CEP120: variants seen among roughly 807,000 people sequenced by gnomAD.
CEP120 encodes centrosomal protein of 120 kDa.
In CEP120, 113 loss-of-function variants were observed where a neutral mutation model predicts 126.5. The ratio of observed to expected loss-of-function variants is 0.89; its 90% CI spans 0.77 to 1.04. The LOEUF (loss-of-function observed/expected upper bound fraction) is 1.04, where lower values mean the gene tolerates loss of function less well. CEP120 is among the 50% of genes least tolerant of loss of function. The pLI is 0.00. For missense variants in CEP120, 1,230 were observed against 1,155.7 expected (o/e 1.06, Z -0.93); for synonymous variants, 400 against 394.3 (o/e 1.01, Z -0.17).
chr5:123,408,202 T>C (rs1360449854), intron 4 of CEP120, among the ~76,000 whole-genome samples: 1 of 152,126 alleles, frequency 6.6e-6, no homozygotes, highest in Non-Finnish European at 1.5e-5. Flanking sequence ...ACATCTAAGC[T>C]TCCACCTTAG....
In CEP120 at chr5:123,412,381, T is replaced by TA. The variant is rs1774116037; in HGVS notation, c.463+17dup. 7 of 1,589,254 alleles carry TA rather than the reference T, an allele frequency of 4.4e-6. No individual in the cohort carries two copies. Among genetic ancestry groups the TA allele is most frequent in the Non-Finnish European group, 6.0e-6 (7 of 1,171,268 alleles). ...GATGGAACTTCTCAGAGAATGTTTT[T>TA]AGAGATGATGCACAAACCTTTTCCA... On this transcript the variant is annotated intron_variant, in intron 4 of 19. Transcript: ENST00000306467.
At position 123,388,489 on chromosome 5, in the gene CEP120, A is replaced by G; in HGVS notation, c.1373T>C (p.Ile458Thr). Residue 458 changes from isoleucine (I) to threonine (T), a missense_variant, in exon 9 of 20, where the codon ATA (isoleucine) becomes ACA (threonine). Coordinates refer to ENST00000306467, the MANE Select transcript of CEP120 (RefSeq NM_001375405.1). ...CAAGGCATGTATACTCCTTAAGTCT[A>G]TTGAAAAGCAAAAATGATGTGATGT... ...PATSHHFCFS[I>T]DLRSIHALEI... The G allele has an allele frequency of 6.2e-7, 1 of 1,609,138 alleles. No homozygotes were observed.
rs547672531 is a variant in CEP120, at chr5:123,411,716, G to C, written c.463+683C>G. 3.9e-5 allele frequency among the ~76,000 whole-genome samples: 6 copies of C among 152,320 alleles called. No individual in the cohort carries two copies. In the East Asian group the frequency reaches 1.2e-3, roughly 29 times the overall value. The stretch of plus-strand genomic sequence containing the variant: ...GGGAGGAATGAATAGGTGGAGCACA[G>C]ATGATTTTTAGGGTGGTGAAACTAT... On this transcript the variant is annotated intron_variant, in intron 4 of 19. Transcript: ENST00000306467.
chr5:123,388,048 TTAC>T (rs1246047632), intron 9 of CEP120, among the ~76,000 whole-genome samples: 1 of 47,770 alleles, frequency 2.1e-5, no homozygotes, highest in Non-Finnish European at 4.5e-5. Flanking sequence ...AGTATTATTA[TTAC>T]TTTTTTTTGA....
intron 18 of CEP120, among the ~76,000 whole-genome samples, chr5:123,351,612 C>T (rs1388010754): frequency 6.6e-6 from 1 of 151,986 alleles, no homozygotes; most frequent in Non-Finnish European, 1.5e-5. Flanking sequence ...ATGCTTGGGG[C>T]CATAAGTGTT....
At chr5:123,411,417 T>C (rs943119542) in intron 4 of CEP120, among the ~76,000 whole-genome samples, 4 of 152,172 alleles carry the variant, frequency 2.6e-5, no homozygotes, top group East Asian at 3.8e-4. Flanking sequence ...TTATTTATAA[T>C]TGCCAAAAGT....
Position 123,384,952 on chromosome 5 carries a change from C to T in CEP120, c.1762G>A (p.Gly588Arg). The part of the protein sequence containing the change: ...SESVPVIAAQ[G>R]SNNRIADLSY... ...TACCAATTCTGTGAAATGCATTACC[C>T]TTGTGCTGCTATAACAGGCACACTT... Residue 588 changes from glycine (G) to arginine (R), a missense_variant and splice_region_variant, in exon 11 of 20, where the codon GGA (glycine) becomes AGA (arginine). By Grantham distance (125) the Gly-to-Arg change is moderately radical. Coordinates refer to ENST00000306467, the MANE Select transcript of CEP120 (RefSeq NM_001375405.1). 4 of 1,601,944 alleles carry T rather than the reference C, an allele frequency of 2.5e-6. No homozygotes were observed. In the South Asian group the frequency reaches 3.4e-5, roughly 14 times the overall value.
chr5:123,413,272 CA>C (rs1206716186), intron 3 of CEP120, among the ~76,000 whole-genome samples: 15 of 135,262 alleles, frequency 1.1e-4, no homozygotes, highest in Non-Finnish European at 1.8e-4. Context: ...AGCCCTGTCG[CA>C]AAAAAAAATA....
chr5:123,400,889 G>A, intron 4 of CEP120: 2 of 1,285,002 alleles, frequency 1.6e-6, no homozygotes, highest in Non-Finnish European at 2.2e-6. Flanking sequence ...AGCGCAGGAG[G>A]GGTAGGCTGG....
At chr5:123,356,699 AACCTAATTAGG>A (rs1299404817) in intron 18 of CEP120, among the ~76,000 whole-genome samples, 1 of 152,046 alleles carries the variant, frequency 6.6e-6, no homozygotes, top group African/African-American at 2.4e-5. Context: ...CAATTAACAG[AACCTAATTAGG>A]ACCCTTTCAA....
chr5:123,351,753 A>G (rs1425638036), intron 18 of CEP120, among the ~76,000 whole-genome samples: 1 of 138,888 alleles, frequency 7.2e-6, no homozygotes, highest in African/African-American at 2.6e-5. Context: ...AACGTTTTAC[A>G]CAATGTTTTA....
At chr5:123,374,495 C>A (rs543393990) in intron 16 of CEP120, among the ~76,000 whole-genome samples, 1 of 151,714 alleles carries the variant, frequency 6.6e-6, no homozygotes, top group Non-Finnish European at 1.5e-5. Flanking sequence ...TTTTTAAATG[C>A]GAACAAAGAT....
Position 123,382,952 on chromosome 5 carries a change from T to TA in CEP120, c.1860+33dup, listed in dbSNP as rs754777445. 21 of 1,598,028 alleles carry TA rather than the reference T, an allele frequency of 1.3e-5. No individual in the cohort carries two copies. In the Admixed American group the frequency reaches 1.8e-4, roughly 13 times the overall value. ...ACACATATGCACATTAGATTCCTTT[T>TA]AAAAAAAATTTGATAACATTCAATT... On this transcript the variant is annotated intron_variant, in intron 12 of 19. Transcript: ENST00000306467.
intron 5 of CEP120, among the ~76,000 whole-genome samples, chr5:123,395,122 G>T (rs1772687457): frequency 6.6e-6 from 1 of 152,104 alleles, no homozygotes; most frequent in Admixed American, 6.5e-5. Flanking sequence ...AAAACATTAA[G>T]AAATAAAGAT....
At position 123,368,858 on chromosome 5, in the gene CEP120, A is replaced by G. The variant is rs1020431118; in HGVS notation, c.2481+3792T>C. Among the ~76,000 whole-genome samples, 36 of 152,120 alleles carry G rather than the reference A, an allele frequency of 2.4e-4. 1 individual carries two copies. The highest frequency in any genetic ancestry group is 6.0e-4 in the African/African-American group (25 of 41,550). ...ATCAGATACAAGAATTCAGATGTCT[A>G]TTATCCAGACACTAAAGAGATTTGT... On this transcript the variant is annotated intron_variant, in intron 17 of 19. Transcript: ENST00000306467.
Position 123,416,052 on chromosome 5 carries a change from A to T in CEP120, c.279T>A (p.Gly93=). 6.2e-7 allele frequency: 1 copy of T among 1,614,108 alleles called. No individual in the cohort carries two copies. The highest frequency in any genetic ancestry group is 2.2e-5 in the East Asian group (1 of 44,872). Reference sequence around the variant, plus strand: ...CGGTTCTTAAATCCAGAACGATGTAACCTATGGTTTCCTTGGCTGAAGTTA... The same window carrying T: ...CGGTTCTTAAATCCAGAACGATGTATCCTATGGTTTCCTTGGCTGAAGTTA... ...DPVTSAKETI[G]YIVLDLRTAQ... The change falls in exon 3 of 20, where the codon GGT becomes GGA. Residue 93 remains glycine, a synonymous_variant. Coordinates refer to ENST00000306467, the MANE Select transcript of CEP120 (RefSeq NM_001375405.1).
intron 14 of CEP120, among the ~76,000 whole-genome samples, chr5:123,381,632 C>T (rs1371891017): frequency 1.3e-5 from 2 of 151,864 alleles, no homozygotes; most frequent in Admixed American, 6.6e-5. Context: ...ATAGCTTAAA[C>T]GTTTGAGGCA....
intron 3 of CEP120, among the ~76,000 whole-genome samples, chr5:123,414,971 C>CAAAAAAAAAAAAAA (rs56756568): frequency 1.7e-4 from 7 of 40,664 alleles, no homozygotes; most frequent in African/African-American, 8.1e-4. Context: ...GACTCCATCT[C>CAAAAAAAAAAAAAA]AAAAAAAAAA....
At chr5:123,402,041 CTTG>C (rs1773283293) in intron 4 of CEP120, 10 of 1,600,670 alleles carry the variant, frequency 6.2e-6, no homozygotes, top group African/African-American at 2.7e-5. Context: ...AGGAGGCAAA[CTTG>C]TTGTTGAGGG....
Sources: gnomAD v4.1 joint callset for allele counts (sites outside exome capture counted in the v4.1 genomes callset) on GRCh38, gnomAD v4.1.1 for gene constraint, MANE v1.5 for transcripts, NCBI Gene and HGNC (gene_info 2026-07-23, HGNC 2026-07-21) for gene names.